Variants in PDE6C observed in about 807,000 individuals in gnomAD.
PDE6C encodes the protein phosphodiesterase 6C, also known as cone cGMP-specific 3',5'-cyclic phosphodiesterase subunit alpha'.
PDE6C carries 75 observed loss-of-function variants against 113.1 expected under a neutral mutation model. The ratio of observed to expected loss-of-function variants is 0.66; its 90% CI spans 0.55 to 0.80. PDE6C has a LOEUF of 0.80. PDE6C is among the 30% of genes least tolerant of loss of function. PDE6C has a pLI of 0.00. For missense variants in PDE6C, 912 were observed against 1,038.6 expected (o/e 0.88, Z 1.67); for synonymous variants, 375 against 363.7 (o/e 1.03, Z -0.35).
intron 7 of PDE6C, among the ~76,000 whole-genome samples, chr10:93,628,173 T>C (rs990541292): frequency 1.1e-4 from 17 of 152,164 alleles, no homozygotes; most frequent in African/African-American, 4.1e-4. Context: ...ATTCTGGAGC[T>C]CACAGTTCTA....
At chr10:93,617,589 C>T (rs2058425925) in intron 1 of PDE6C, among the ~76,000 whole-genome samples, 1 of 152,130 alleles carries the variant, frequency 6.6e-6, no homozygotes, top group Non-Finnish European at 1.5e-5. Flanking sequence ...GCCTGGCCAA[C>T]ACAGTGAAAA....
At chr10:93,645,883 A>G (rs946906455) in intron 14 of PDE6C, 77 bp from the exon 15 acceptor site, 2 of 847,778 alleles carry the variant, frequency 2.4e-6, no homozygotes, top group Non-Finnish European at 4.1e-6. Flanking sequence ...GAGAGACATT[A>G]AGAAAAATCC....
intron 8 of PDE6C, 120 bp downstream of exon 8, chr10:93,629,425 G>T: frequency 1.3e-6 from 1 of 796,506 alleles, no homozygotes; most frequent in Admixed American, 1.7e-5. Flanking sequence ...GGCACACACG[G>T]GTCCATCTCC....
At chr10:93,639,599 T>A (rs2058549396) in intron 11 of PDE6C, among the ~76,000 whole-genome samples, 1 of 152,116 alleles carries the variant, frequency 6.6e-6, no homozygotes, top group African/African-American at 2.4e-5. Context: ...AAGCAGATGA[T>A]CCCCACCCTC....
intron 14 of PDE6C, among the ~76,000 whole-genome samples, chr10:93,644,706 A>C (rs572219866): frequency 1.3e-5 from 2 of 148,430 alleles, no homozygotes; most frequent in East Asian, 4.0e-4. Context: ...CATCCTTCCC[A>C]CCTCCCTACC....
intron 7 of PDE6C, among the ~76,000 whole-genome samples, chr10:93,627,603 A>G (rs777386268): frequency 3.3e-5 from 5 of 152,150 alleles, no homozygotes; most frequent in Non-Finnish European, 7.4e-5. Flanking sequence ...TGGGCCTCTA[A>G]GGTCTTGACC....
chr10:93,632,601 G>T (rs1422823352), intron 8 of PDE6C, among the ~76,000 whole-genome samples: 2 of 152,200 alleles, frequency 1.3e-5, no homozygotes, highest in African/African-American at 4.8e-5. Context: ...AGTCAGCAAA[G>T]CTTATTTTGG....
At position 93,613,110 on chromosome 10, in the gene PDE6C, G is replaced by C. The variant is rs1237833534; in HGVS notation, c.385G>C (p.Gly129Arg). 1.2e-6 allele frequency: 2 copies of C among 1,614,176 alleles called. No individual in the cohort carries two copies. The highest frequency in any genetic ancestry group is 4.5e-5 in the East Asian group (2 of 44,878). Residue 129 changes from glycine to arginine, a missense_variant, in exon 1 of 22, where the codon GGC becomes CGC. By Grantham distance (125) the Gly-to-Arg change is moderately radical. Transcript: ENST00000371447. ...PTSKFEDNLVGPDKEVVFPLD... is the reference protein window; with the variant it reads ...PTSKFEDNLVRPDKEVVFPLD... ...CTCCAAGTTTGAGGACAACCTGGTG[G>C]GCCCTGACAAAGAAGTTGTGTTTCC...
intron 5 of PDE6C, 130 bp downstream of exon 5, chr10:93,625,779 G>A (rs933578191): frequency 4.3e-6 from 3 of 698,846 alleles, no homozygotes; most frequent in Non-Finnish European, 7.8e-6. Context: ...CAAGGAGTTT[G>A]AGGTTCTAGT....
chr10:93,655,660 A>T (rs1004005694), intron 15 of PDE6C, 100 bp from the exon 16 acceptor site: 17 of 716,212 alleles, frequency 2.4e-5, no homozygotes, highest in Non-Finnish European at 3.8e-5. Context: ...CAAACAAAAA[A>T]GTGTTGAAAG....
chr10:93,630,333 C>T (rs2058494897), intron 8 of PDE6C, among the ~76,000 whole-genome samples: 1 of 150,412 alleles, frequency 6.6e-6, no homozygotes, highest in African/African-American at 2.5e-5. Context: ...TCCCCGCCCC[C>T]CGAGTTCATC....
At chr10:93,661,860 T>C (rs773961733) in intron 18 of PDE6C, among the ~76,000 whole-genome samples, 199 bp from the exon 19 acceptor site, 9 of 152,288 alleles carry the variant, frequency 5.9e-5, no homozygotes, top group Non-Finnish European at 8.8e-5. Flanking sequence ...CCTAGAACAC[T>C]GAAGTAGGAA....
At position 93,612,791 on chromosome 10, in the gene PDE6C, GTAC is replaced by G; in HGVS notation, c.68_70del (p.Tyr23del). ...AGGAGAACCCTCAGTTTGCCAAGGA[GTAC>G]TTTGACAGGAAGTTGCGGGTGGAGG... On this transcript the variant is annotated inframe_deletion, in exon 1 of 22. Coordinates refer to ENST00000371447, the MANE Select transcript of PDE6C (RefSeq NM_006204.4). 1 of 1,614,188 alleles carries G rather than the reference GTAC, an allele frequency of 6.2e-7. No homozygotes were observed. The highest frequency in any genetic ancestry group is 8.5e-7 in the Non-Finnish European group (1 of 1,180,028).
rs963143204 is a variant in PDE6C, at chr10:93,632,711, T to C, written c.1120-2047T>C. On this transcript the variant is annotated intron_variant, in intron 8 of 21. Transcript: ENST00000371447. ...TCGTATGATGGTGTAAGTACATAAA[T>C]ATTTCTTATTGTTTTCCAAAGATGC... Among the ~76,000 whole-genome samples the C allele has an allele frequency of 5.3e-5, 8 of 152,222 alleles. No individual in the cohort carries two copies. The East Asian group carries it at 1.5e-3, about 29-fold the overall frequency.
chr10:93,643,634 T>C (rs1372007981), intron 14 of PDE6C, among the ~76,000 whole-genome samples: 1 of 151,680 alleles, frequency 6.6e-6, no homozygotes, highest in Non-Finnish European at 1.5e-5. Flanking sequence ...CAAGCAATCC[T>C]CCTGCCTCAG....
intron 18 of PDE6C, among the ~76,000 whole-genome samples, chr10:93,660,770 C>T (rs1412383210): frequency 1.3e-5 from 2 of 151,968 alleles, no homozygotes; most frequent in Non-Finnish European, 2.9e-5. Context: ...CCTGCTTGAG[C>T]TTATCTCCCT....
At position 93,663,058 on chromosome 10, in the gene PDE6C, C is replaced by T; in HGVS notation, c.2398C>T (p.Pro800Ser). 3 of 1,612,498 alleles carry T rather than the reference C, an allele frequency of 1.9e-6. No individual in the cohort carries two copies. The highest frequency in any genetic ancestry group is 2.5e-6 in the Non-Finnish European group (3 of 1,179,248). Residue 800 changes from proline (P) to serine (S), a missense_variant, in exon 21 of 22, where the codon CCT becomes TCT. Coordinates refer to ENST00000371447, the MANE Select transcript of PDE6C (RefSeq NM_006204.4). The part of the protein sequence containing the change: ...EFSRFHKEIT[P>S]MLSGLQNNRV... ...CTCACGGTTTCACAAAGAAATCACA[C>T]CTATGCTGAGTGGTCTTCAGAATAA...
chr10:93,621,071 TG>T (rs2058443722), intron 3 of PDE6C, 91 bp downstream of exon 3: 1 of 1,060,222 alleles, frequency 9.4e-7, no homozygotes, highest in Admixed American at 1.7e-5. Flanking sequence ...CTATTCCTCC[TG>T]GGGGTGTAAG....
Position 93,620,707 on chromosome 10 carries a change from G to A in PDE6C, c.556G>A (p.Val186Met). Residue 186 changes from valine (V) to methionine (M), a missense_variant, in exon 2 of 22, where the codon GTG becomes ATG. Transcript: ENST00000371447. Reference sequence around the variant, plus strand: ...GAACCTGCTGGCAACCCCGATCGTGGTGGGCAAGGAGGTTCTTGCTGTGAT... The same window carrying A: ...GAACCTGCTGGCAACCCCGATCGTGATGGGCAAGGAGGTTCTTGCTGTGAT... ...TKNLLATPIV[V>M]GKEVLAVIMA... 6.2e-7 allele frequency: 1 copy of A among 1,614,190 alleles called. No individual in the cohort carries two copies. The highest frequency in any genetic ancestry group is 8.5e-7 in the Non-Finnish European group (1 of 1,180,018).
Sources: allele counts gnomAD v4.1 joint callset (sites outside exome capture counted in the v4.1 genomes callset), GRCh38; gene constraint gnomAD v4.1.1; transcripts MANE v1.5; gene names NCBI Gene and HGNC (gene_info 2026-07-23, HGNC 2026-07-21).